Variants in ENTHD1 observed in about 807,000 individuals in gnomAD.
ENTHD1 encodes the protein ENTH domain containing 1.
In ENTHD1, 23 loss-of-function variants were observed where a neutral mutation model predicts 39.1. The observed-to-expected ratio is 0.59, with a 90% CI of 0.42 to 0.83. ENTHD1 has a LOEUF of 0.83. Among genes scored for constraint, ENTHD1 ranks in the 40% least tolerant of loss-of-function variants. ENTHD1 has a pLI of 0.00. For synonymous variants in ENTHD1, 230 were observed against 258.2 expected (o/e 0.89, Z 1.05); for missense variants, 624 against 705.4 (o/e 0.88, Z 1.31).
chr22:39,795,438 C>CT (rs1314381973), intron 5 of ENTHD1, among the ~76,000 whole-genome samples: 14 of 146,964 alleles, frequency 9.5e-5, no homozygotes, highest in African/African-American at 3.5e-4. Flanking sequence ...TTTTTTTGTT[C>CT]TTTTTGGGAC....
chr22:39,847,823 G>C (rs2066002595), intron 3 of ENTHD1, among the ~76,000 whole-genome samples: 1 of 152,196 alleles, frequency 6.6e-6, no homozygotes, highest in Admixed American at 6.5e-5. Flanking sequence ...AAGATCATTT[G>C]TTCTAATGAT....
At chr22:39,793,341 G>GT (rs78459155) in intron 5 of ENTHD1, among the ~76,000 whole-genome samples, 5,853 of 130,000 alleles carry the variant, frequency 0.045, 161 homozygotes, top group African/African-American at 0.09. Context: ...ATTATTAGTT[G>GT]TTTTTTTTTT....
chr22:39,752,712 A>G (rs2146536526), intron 6 of ENTHD1, among the ~76,000 whole-genome samples: 2 of 152,340 alleles, frequency 1.3e-5, no homozygotes, highest in Middle Eastern at 6.8e-3. Context: ...TTACCTATAA[A>G]GTATAAGCTT....
chr22:39,794,841 C>T (rs1171840924), intron 5 of ENTHD1, among the ~76,000 whole-genome samples: 2 of 151,320 alleles, frequency 1.3e-5, no homozygotes, highest in African/African-American at 4.8e-5. Context: ...TTTCTTGTTC[C>T]AGTTCTTAGA....
chr22:39,799,237 C>T (rs372878675), intron 5 of ENTHD1, among the ~76,000 whole-genome samples: 1 of 152,088 alleles, frequency 6.6e-6, no homozygotes, highest in Non-Finnish European at 1.5e-5. Flanking sequence ...ACCGCAATTG[C>T]GGGGAGGGGA....
intron 5 of ENTHD1, among the ~76,000 whole-genome samples, chr22:39,777,916 C>G (rs112462220): frequency 2.2e-4 from 34 of 152,284 alleles, no homozygotes; most frequent in African/African-American, 7.9e-4. Flanking sequence ...TTCAACGGAG[C>G]CTGGTCTCTG....
chr22:39,857,190 C>G (rs1245116839), intron 3 of ENTHD1, among the ~76,000 whole-genome samples: 1 of 151,928 alleles, frequency 6.6e-6, no homozygotes, highest in East Asian at 1.9e-4. Context: ...TGACTGTAAT[C>G]CCAGCACTTT....
At chr22:39,883,855 CA>C (rs137949) in intron 2 of ENTHD1, among the ~76,000 whole-genome samples, 77 of 68,586 alleles carry the variant, frequency 1.1e-3, no homozygotes, top group Middle Eastern at 0.011. Flanking sequence ...CTCTGTCCCA[CA>C]AAAAAAAAAA....
chr22:39,767,495 C>A (rs1382964822), intron 5 of ENTHD1, among the ~76,000 whole-genome samples: 1 of 152,002 alleles, frequency 6.6e-6, no homozygotes, highest in Non-Finnish European at 1.5e-5. Flanking sequence ...AACACCCAAA[C>A]GAATATATTC....
intron 6 of ENTHD1, among the ~76,000 whole-genome samples, chr22:39,764,686 A>G (rs1412210065): frequency 5.3e-5 from 8 of 151,368 alleles, no homozygotes. Flanking sequence ...TTTATTACCC[A>G]GTCTAAACAA....
intron 5 of ENTHD1, among the ~76,000 whole-genome samples, chr22:39,792,578 A>T (rs1832261162): frequency 6.6e-6 from 1 of 152,154 alleles, no homozygotes; most frequent in Non-Finnish European, 1.5e-5. Context: ...AGTTGGCAAA[A>T]AAAAAGCACC....
At chr22:39,754,121 TG>T (rs2146538527) in intron 6 of ENTHD1, among the ~76,000 whole-genome samples, 1 of 152,330 alleles carries the variant, frequency 6.6e-6, no homozygotes, top group East Asian at 1.9e-4. Context: ...TTGGGCTTTG[TG>T]GGACATATAG....
At chr22:39,803,987 C>T (rs1291010253) in intron 5 of ENTHD1, among the ~76,000 whole-genome samples, 1 of 151,792 alleles carries the variant, frequency 6.6e-6, no homozygotes, top group Non-Finnish European at 1.5e-5. Context: ...CATAGTGAGA[C>T]CCTGTCTCTA....
intron 6 of ENTHD1, among the ~76,000 whole-genome samples, chr22:39,754,449 T>A (rs1412537524): frequency 1.3e-5 from 2 of 152,188 alleles, no homozygotes; most frequent in Non-Finnish European, 2.9e-5. Flanking sequence ...CTAAGCGTTC[T>A]CTTCATGGTC....
chr22:39,839,497 G>T (rs1490096027), intron 3 of ENTHD1, among the ~76,000 whole-genome samples: 32 of 152,138 alleles, frequency 2.1e-4, no homozygotes, highest in Admixed American at 2.1e-3. Context: ...GACCTACGTG[G>T]GCAAAGGGAG....
intron 2 of ENTHD1, chr22:39,875,786 G>T: frequency 1.9e-6 from 3 of 1,613,456 alleles, no homozygotes; most frequent in Non-Finnish European, 2.5e-6. Context: ...CAAGAACATG[G>T]CTTTCAAATG....
intron 2 of ENTHD1, among the ~76,000 whole-genome samples, chr22:39,872,021 TTATTAATCTAATCCACCATCATA>T (rs1281825243): frequency 1.3e-5 from 2 of 152,214 alleles, no homozygotes; most frequent in African/African-American, 4.8e-5. Flanking sequence ...TTGCACTAAT[TTATTAATCTAATCCACCATCATA>T]TATTAGGTGG....
chr22:39,784,913 G>A (rs886666692), intron 5 of ENTHD1, among the ~76,000 whole-genome samples: 6 of 152,154 alleles, frequency 3.9e-5, no homozygotes, highest in African/African-American at 9.6e-5. Flanking sequence ...ATTTCAAAAC[G>A]GCTAGAAGAG....
intron 2 of ENTHD1, among the ~76,000 whole-genome samples, chr22:39,872,448 A>G (rs1234953669): frequency 6.6e-6 from 1 of 152,186 alleles, no homozygotes; most frequent in Non-Finnish European, 1.5e-5. Context: ...AGGGCCAAAT[A>G]CTTGATGTTT....
Sources: allele counts gnomAD v4.1 joint callset (sites outside exome capture counted in the v4.1 genomes callset), GRCh38; gene constraint gnomAD v4.1.1; transcripts MANE v1.5; gene names NCBI Gene and HGNC (gene_info 2026-07-23, HGNC 2026-07-21).